The following EPB41 variants were observed in gnomAD, a reference collection of about 807,000 sequenced individuals.
The protein encoded by EPB41 is erythrocyte membrane protein band 4.1.
A neutral mutation model predicts 108.0 loss-of-function variants in EPB41; 65 were observed. The ratio of observed to expected loss-of-function variants is 0.60; its 90% confidence interval spans 0.49 to 0.74. The LOEUF (loss-of-function observed/expected upper bound fraction) is 0.74. Among genes scored for constraint, EPB41 ranks in the 30% least tolerant of loss-of-function variants. The pLI is 0.00. For missense variants in EPB41, 875 were observed against 1,037.0 expected, an observed-to-expected ratio of 0.84 and a Z score of 2.15; for synonymous variants, 336 against 358.9, an observed-to-expected ratio of 0.94 and a Z score of 0.72.
chr1:28,951,361 TACACACACACACACAC>T (rs58546363), intron 1 of EPB41, among the ~76,000 whole-genome samples: 4 of 142,946 alleles, frequency 2.8e-5, no homozygotes, highest in African/African-American at 7.7e-5. Context: ...CCCTGTGTCT[TACACACACACACACAC>T]ACACACACAC....
intron 11 of EPB41, chr1:29,041,124 A>C (rs1641343564): frequency 1.3e-5 from 2 of 149,768 alleles, no homozygotes; most frequent in Admixed American, 1.3e-4. Context: ...AGACAGAGTG[A>C]GAGTGTCTCA....
intron 17 of EPB41, among the ~76,000 whole-genome samples, chr1:29,108,631 C>T (rs940088397): frequency 6.6e-6 from 1 of 151,690 alleles, no homozygotes; most frequent in African/African-American, 2.4e-5. Context: ...GATCTTGGCT[C>T]ACTGCAACTT....
chr1:28,962,433 A>G (rs1252627674), intron 1 of EPB41, among the ~76,000 whole-genome samples: 1 of 152,136 alleles, frequency 6.6e-6, no homozygotes, highest in Non-Finnish European at 1.5e-5. Flanking sequence ...TTCATATACC[A>G]TAAATTCTAC....
intron 3 of EPB41, 25 bp downstream of exon 3, chr1:28,993,567 A>G: frequency 6.2e-7 from 1 of 1,607,616 alleles, no homozygotes; most frequent in Non-Finnish European, 8.5e-7. Flanking sequence ...ATTTCCAACA[A>G]TCAGAACTCT....
chr1:29,109,422 A>C lies in EPB41; in HGVS notation c.2400A>C (p.Thr800=). The C allele has an allele frequency of 1.2e-6, 2 of 1,614,090 alleles. No homozygotes were observed. The highest frequency in any genetic ancestry group is 1.7e-6 in the Non-Finnish European group (2 of 1,179,970). ...ITSETPSSTT[T]TQITKTVKGG... is the part of the protein sequence containing the mutation. ...CTGAGACCCCAAGCAGCACCACCAC[A>C]ACTCAAATTACCAAGGTAACAGACC... Residue 800 remains threonine (T), a synonymous_variant, in exon 18 of 21, where the codon ACA becomes ACC. Coordinates refer to ENST00000343067, the MANE Select transcript of EPB41 (RefSeq NM_001376013.1).
intron 5 of EPB41, among the ~76,000 whole-genome samples, chr1:29,013,763 G>A (rs1472763745): frequency 5.3e-5 from 8 of 151,284 alleles, no homozygotes; most frequent in Non-Finnish European, 8.8e-5. Context: ...CCCTGACCTC[G>A]GGTGATCCAC....
At chr1:28,906,637 T>G (rs939033436) in intron 1 of EPB41, among the ~76,000 whole-genome samples, 18 of 152,140 alleles carry the variant, frequency 1.2e-4, no homozygotes, top group Non-Finnish European at 2.5e-4. Context: ...GGACAGATAT[T>G]AATATTACTC....
At chr1:28,949,707 G>A (rs918906694) in intron 1 of EPB41, among the ~76,000 whole-genome samples, 1 of 151,464 alleles carries the variant, frequency 6.6e-6, no homozygotes, top group Non-Finnish European at 1.5e-5. Context: ...GGGTTCAAGC[G>A]ATTCTCCTGC....
chr1:29,014,928 A>G (rs1182539931), intron 5 of EPB41, among the ~76,000 whole-genome samples: 2 of 151,148 alleles, frequency 1.3e-5, no homozygotes, highest in East Asian at 2.0e-4. Flanking sequence ...GGAGTATCGC[A>G]TGAGCCCAGG....
At chr1:29,103,041 G>A (rs1195873503) in intron 17 of EPB41, among the ~76,000 whole-genome samples, 1 of 152,114 alleles carries the variant, frequency 6.6e-6, no homozygotes, top group African/African-American at 2.4e-5. Context: ...CCAAAGTGCT[G>A]GGATTACAGG....
chr1:29,103,192 A>T (rs1178636060), intron 17 of EPB41, among the ~76,000 whole-genome samples: 2 of 152,212 alleles, frequency 1.3e-5, no homozygotes, highest in Non-Finnish European at 2.9e-5. Flanking sequence ...TACAGGCATG[A>T]ACCACCGCAC....
intron 1 of EPB41, among the ~76,000 whole-genome samples, chr1:28,986,728 G>A (rs531029227): frequency 6.6e-6 from 1 of 151,764 alleles, no homozygotes; most frequent in East Asian, 1.9e-4. Context: ...CCAGGAGTTC[G>A]AGACCTGCCT....
intron 7 of EPB41, among the ~76,000 whole-genome samples, chr1:29,025,968 A>G (rs1223330255): frequency 1.3e-5 from 2 of 152,078 alleles, no homozygotes; most frequent in Admixed American, 1.3e-4. Context: ...ATGTGGGGGA[A>G]AAGCCTACAC....
chr1:28,958,054 A>G (rs569071559), intron 1 of EPB41, among the ~76,000 whole-genome samples: 5 of 152,166 alleles, frequency 3.3e-5, no homozygotes, highest in Admixed American at 1.3e-4. Flanking sequence ...GCCTCAAGCA[A>G]TCCTCCTGCC....
intron 2 of EPB41, among the ~76,000 whole-genome samples, chr1:28,989,608 G>A (rs1250019765): frequency 2.6e-5 from 4 of 152,114 alleles, no homozygotes; most frequent in Admixed American, 6.5e-5. Context: ...GTAAAATTTA[G>A]GATAAAATTA....
chr1:28,930,475 G>C (rs1388234515), intron 1 of EPB41, among the ~76,000 whole-genome samples: 4 of 143,678 alleles, frequency 2.8e-5, no homozygotes, highest in South Asian at 4.5e-4. Flanking sequence ...GCCCTGAACT[G>C]TGTGTGTGTG....
intron 14 of EPB41, 144 bp from the exon 15 acceptor site, chr1:29,060,274 ACTCT>A (rs1170124050): frequency 6.4e-6 from 4 of 628,728 alleles, no homozygotes; most frequent in African/African-American, 1.8e-5. Context: ...TGTCCGTGTG[ACTCT>A]CTGACCATTT....
At chr1:29,023,077 C>T (rs2096666962) in intron 7 of EPB41, among the ~76,000 whole-genome samples, 1 of 151,026 alleles carries the variant, frequency 6.6e-6, no homozygotes, top group Non-Finnish European at 1.5e-5. Context: ...TCACTGCAAT[C>T]TCCGCCTGCT....
intron 7 of EPB41, among the ~76,000 whole-genome samples, chr1:29,027,666 A>G (rs1315137752): frequency 6.6e-6 from 1 of 151,834 alleles, no homozygotes; most frequent in African/African-American, 2.4e-5. Context: ...AGGCTCATAG[A>G]CTCAAGCAAT....
Sources: gnomAD v4.1 joint callset for allele counts (sites outside exome capture counted in the v4.1 genomes callset) on GRCh38, gnomAD v4.1.1 for gene constraint, MANE v1.5 for transcripts, NCBI Gene and HGNC (gene_info 2026-07-23, HGNC 2026-07-21) for gene names.